Variants in VWCE observed in about 807,000 individuals in gnomAD.
The protein encoded by VWCE is von Willebrand factor C and EGF domains, also known as von Willebrand factor C and EGF domain-containing protein.
In VWCE, 68 loss-of-function variants were observed where a neutral mutation model predicts 102.9. The observed-to-expected ratio is 0.66, with a 90% CI of 0.54 to 0.81. The LOEUF is 0.81. Among genes scored for constraint, VWCE ranks in the 30% least tolerant of loss-of-function variants. The pLI, the probability that VWCE is intolerant of heterozygous loss-of-function variation, is 0.00. For synonymous variants in VWCE, 497 were observed against 515.4 expected (o/e 0.96, Z 0.48); for missense variants, 1,137 against 1,263.6 (o/e 0.90, Z 1.52).
Position 61,273,272 on chromosome 11 carries a change from G to A in VWCE, c.1626C>T (p.Ala542=). The change falls in exon 13 of 20, where the codon GCC becomes GCT. Residue 542 remains alanine, a synonymous_variant. Coordinates refer to ENST00000335613, the MANE Select transcript of VWCE (RefSeq NM_152718.2). ...ECSFMPCPEL[A]CPREEWRLGP... ...CCAGCCGCCACTCTTCTCGGGGGCAGGCCAGCTCAGGGCAGGGCATGAAGG... is the reference window on the plus strand; with the variant it reads ...CCAGCCGCCACTCTTCTCGGGGGCAAGCCAGCTCAGGGCAGGGCATGAAGG... The A allele has an allele frequency of 6.2e-7, 1 of 1,613,892 alleles. No homozygotes were observed. The highest frequency in any genetic ancestry group is 1.3e-5 in the African/African-American group (1 of 75,038).
intron 4 of VWCE, among the ~76,000 whole-genome samples, chr11:61,288,931 C>A (rs544157170): frequency 2.6e-5 from 4 of 151,068 alleles, no homozygotes; most frequent in African/African-American, 9.7e-5. Flanking sequence ...CTCCGCCTCC[C>A]GGGTTCAAGC....
At chr11:61,262,416 A>C (rs901981173) in intron 19 of VWCE, among the ~76,000 whole-genome samples, 2 of 152,240 alleles carry the variant, frequency 1.3e-5, no homozygotes, top group Non-Finnish European at 2.9e-5. Flanking sequence ...CAAAATGGAG[A>C]TAACATAGCA....
chr11:61,284,257 G>C (rs1444643526), intron 5 of VWCE, among the ~76,000 whole-genome samples: 1 of 152,072 alleles, frequency 6.6e-6, no homozygotes, highest in East Asian at 1.9e-4. Flanking sequence ...GGGATCTTAA[G>C]CAAGTAACAA....
chr11:61,280,267 G>C (rs937894562), intron 9 of VWCE, among the ~76,000 whole-genome samples: 1 of 152,124 alleles, frequency 6.6e-6, no homozygotes, highest in Non-Finnish European at 1.5e-5. Context: ...GATTTAAAGA[G>C]GCTCAATGAA....
intron 18 of VWCE, 47 bp from the exon 19 acceptor site, chr11:61,264,624 C>T (rs1237760542): frequency 1.3e-6 from 2 of 1,556,814 alleles, no homozygotes; most frequent in East Asian, 2.3e-5. Flanking sequence ...AGCATCTTGC[C>T]TGCCCTGGGC....
chr11:61,284,294 A>G (rs1855240710), intron 5 of VWCE, among the ~76,000 whole-genome samples: 1 of 152,220 alleles, frequency 6.6e-6, no homozygotes, highest in African/African-American at 2.4e-5. Context: ...TGTTCCTTTC[A>G]ATAAAATGGA....
rs896445597 is a variant in VWCE at position 61,273,328 on chromosome 11, C to T, written c.1582-12G>A. On this transcript the variant is annotated splice_polypyrimidine_tract_variant and intron_variant, in intron 12 of 19. Coordinates refer to ENST00000335613, the MANE Select transcript of VWCE (RefSeq NM_152718.2). ...TCCACCTCCCCATTCTGGAAGAGAG[C>T]CCAGGCACAGAATGATGAGGGCGGC... is the stretch of plus-strand genomic sequence containing the variant. 1.2e-6 allele frequency: 2 copies of T among 1,602,574 alleles called. No individual in the cohort carries two copies. Among genetic ancestry groups the T allele is most frequent in the East Asian group, 2.2e-5 (1 of 44,686 alleles).
intron 14 of VWCE, 43 bp from the exon 15 acceptor site, chr11:61,269,061 C>T (rs754781272): frequency 1.5e-5 from 24 of 1,574,034 alleles, no homozygotes; most frequent in East Asian, 2.3e-5. Context: ...CCGGTGACAC[C>T]GGCCCCTGCC....
chr11:61,282,174 A>T (rs555035951), intron 6 of VWCE, among the ~76,000 whole-genome samples: 1 of 152,318 alleles, frequency 6.6e-6, no homozygotes, highest in East Asian at 1.9e-4. Flanking sequence ...TGCAGCGGTA[A>T]TTAATTGCTG....
chr11:61,273,156 C>T, intron 13 of VWCE, 43 bp downstream of exon 13: 1 of 1,591,240 alleles, frequency 6.3e-7, no homozygotes, highest in Non-Finnish European at 8.6e-7. Context: ...CCTCTCTCCC[C>T]AGTATCCATG....
chr11:61,292,023 G>A (rs1357784829), intron 1 of VWCE, among the ~76,000 whole-genome samples: 6 of 152,172 alleles, frequency 3.9e-5, no homozygotes, highest in African/African-American at 1.4e-4. Context: ...AGGAGTTTGA[G>A]ACCAGCCTGG....
intron 19 of VWCE, among the ~76,000 whole-genome samples, chr11:61,260,759 A>G (rs978992350): frequency 5.9e-5 from 9 of 152,232 alleles, no homozygotes; most frequent in Non-Finnish European, 1.2e-4. Flanking sequence ...ACATATTGAT[A>G]ACCCAGGAAA....
intron 11 of VWCE, among the ~76,000 whole-genome samples, chr11:61,276,033 A>G (rs1235257863): frequency 1.3e-5 from 2 of 152,222 alleles, no homozygotes; most frequent in African/African-American, 4.8e-5. Context: ...TGTAAAGCAG[A>G]AAGCAATCTC....
At chr11:61,289,249 AT>A (rs1337366065) in intron 4 of VWCE, among the ~76,000 whole-genome samples, 5 of 151,170 alleles carry the variant, frequency 3.3e-5, no homozygotes, top group South Asian at 2.1e-4. Context: ...CTAAAAAAAA[AT>A]TTTTTTTCTT....
chr11:61,286,186 G>A (rs543362841), intron 5 of VWCE, 128 bp downstream of exon 5: 31 of 923,004 alleles, frequency 3.4e-5, no homozygotes, highest in Admixed American at 1.3e-4. Context: ...ATCTCCCTCC[G>A]AAGCCGGTGG....
intron 6 of VWCE, among the ~76,000 whole-genome samples, chr11:61,282,189 G>A (rs1375396994): frequency 6.6e-6 from 1 of 152,210 alleles, no homozygotes; most frequent in Non-Finnish European, 1.5e-5. Flanking sequence ...TTGCTGCGTG[G>A]TAGGGGTAAG....
rs760896056 is a variant in VWCE, at chr11:61,287,349, G to A, written c.425-919C>T. On this transcript the variant is annotated intron_variant, in intron 4 of 19. Coordinates refer to ENST00000335613, the MANE Select transcript of VWCE (RefSeq NM_152718.2). ...CTTTAACCCATGAAGATCAGATGAC[G>A]AGAGAAGACGGCTGAGACCAAACGT... 3.3e-5 allele frequency among the ~76,000 whole-genome samples: 5 copies of A among 152,240 alleles called. No homozygotes were observed. In the South Asian group the frequency reaches 6.2e-4, roughly 19 times the overall value.
intron 15 of VWCE, 103 bp downstream of exon 15, chr11:61,268,819 T>G: frequency 1.7e-6 from 2 of 1,168,692 alleles, no homozygotes; most frequent in South Asian, 1.3e-5. Flanking sequence ...GGTTGTCCCT[T>G]GGGGTTGTTA....
At chr11:61,267,020 G>A (rs4274208) in intron 16 of VWCE, among the ~76,000 whole-genome samples, 11,980 of 152,268 alleles carry the variant, frequency 0.079, 626 homozygotes, top group Non-Finnish European at 0.12. Flanking sequence ...CACTTTGGGA[G>A]GCTGAGGTGG....
Sources: allele counts gnomAD v4.1 joint callset (sites outside exome capture counted in the v4.1 genomes callset), GRCh38; gene constraint gnomAD v4.1.1; transcripts MANE v1.5; gene names NCBI Gene and HGNC (gene_info 2026-07-23, HGNC 2026-07-21).